The following EPB41L2 variants were observed in gnomAD, a reference collection of about 807,000 sequenced individuals.
EPB41L2 encodes band 4.1-like protein 2.
EPB41L2 carries 43 observed loss-of-function variants against 113.0 expected under a neutral mutation model. That is an observed-to-expected ratio of 0.38 (90% CI 0.30 to 0.49). The LOEUF (loss-of-function observed/expected upper bound fraction) is 0.49. Ranked by LOEUF, EPB41L2 falls within the 20% of genes least tolerant of loss-of-function variation. The pLI is 0.95. For missense variants in EPB41L2, 1,147 were observed against 1,223.4 expected, an observed-to-expected ratio of 0.94 and a Z score of 0.93; for synonymous variants, 442 against 436.7, an observed-to-expected ratio of 1.01 and a Z score of -0.15.
At chr6:131,004,572 T>C (rs1430394064) in intron 1 of EPB41L2, among the ~76,000 whole-genome samples, 2 of 152,140 alleles carry the variant, frequency 1.3e-5, no homozygotes, top group African/African-American at 4.8e-5. Context: ...AGTAAGGAGT[T>C]CCGACTAGCA....
intron 3 of EPB41L2, among the ~76,000 whole-genome samples, chr6:130,929,007 C>T (rs570542333): frequency 6.6e-6 from 1 of 152,226 alleles, no homozygotes; most frequent in Non-Finnish European, 1.5e-5. Flanking sequence ...AAAGCTGCTT[C>T]TCTACTATTC....
At chr6:131,047,732 A>G (rs186161562) in intron 1 of EPB41L2, among the ~76,000 whole-genome samples, 2 of 152,364 alleles carry the variant, frequency 1.3e-5, no homozygotes, top group East Asian at 3.9e-4. Flanking sequence ...TAGTCCCATT[A>G]AAATTCAGTC....
rs1784984783 is a variant in EPB41L2 at position 130,869,629 on chromosome 6, C to T, written c.2541G>A (p.Gln847=). 6.2e-7 allele frequency: 1 copy of T among 1,614,086 alleles called. No homozygotes were observed. The highest frequency in any genetic ancestry group is 1.3e-5 in the African/African-American group (1 of 74,938). The change falls in exon 15 of 20, where the codon CAG becomes CAA. Residue 847 remains glutamine (Q), a synonymous_variant. Transcript: ENST00000337057. ...CATGGGACACCTCTCCGTTAACTTT[C>T]TGTGGCTCTTCCTCTGCTTCTTCTC... ...DMGEEAEEEP[Q]KVNGEVSHVD...
chr6:130,942,831 T>C (rs1811338563), intron 3 of EPB41L2, among the ~76,000 whole-genome samples: 1 of 152,180 alleles, frequency 6.6e-6, no homozygotes, highest in African/African-American at 2.4e-5. Context: ...AACTCCCACT[T>C]ATGAGTGAGA....
intron 3 of EPB41L2, among the ~76,000 whole-genome samples, chr6:130,929,709 G>T (rs1806045489): frequency 6.6e-6 from 1 of 151,994 alleles, no homozygotes; most frequent in Non-Finnish European, 1.5e-5. Flanking sequence ...TAGGTACCTG[G>T]CCCAATTGGC....
In EPB41L2 at chr6:131,061,451, T is replaced by C. The variant is rs560921622; in HGVS notation, c.-15+1704A>G. ...TCGAGCTCTGACAGGTGACACAGCA[T>C]AGCTCTTCAAAAGTTGTGTCAAACT... On this transcript the variant is annotated intron_variant, in intron 1 of 19. Transcript: ENST00000337057. 9.2e-5 allele frequency among the ~76,000 whole-genome samples: 14 copies of C among 152,326 alleles called. No individual in the cohort carries two copies. The South Asian group carries it at 2.9e-3, about 32-fold the overall frequency.
chr6:130,974,888 C>A (rs892119629), intron 1 of EPB41L2, among the ~76,000 whole-genome samples: 2 of 151,654 alleles, frequency 1.3e-5, no homozygotes, highest in African/African-American at 4.8e-5. Flanking sequence ...CTCCCGAGTA[C>A]CTGGGACTAC....
chr6:130,852,045 T>C (rs1582650470), intron 19 of EPB41L2, among the ~76,000 whole-genome samples: 1 of 152,222 alleles, frequency 6.6e-6, no homozygotes, highest in Non-Finnish European at 1.5e-5. Context: ...GCATTTCACA[T>C]GCATCTCAAA....
intron 6 of EPB41L2, among the ~76,000 whole-genome samples, chr6:130,903,806 C>G (rs1325799151): frequency 6.6e-6 from 1 of 152,202 alleles, no homozygotes; most frequent in Non-Finnish European, 1.5e-5. Flanking sequence ...GGTACCCAGT[C>G]TAACTGGGCT....
chr6:130,921,817 ATAT>A (rs1268338757), intron 4 of EPB41L2, among the ~76,000 whole-genome samples: 5 of 151,980 alleles, frequency 3.3e-5, no homozygotes. Context: ...AGGACAGGGT[ATAT>A]TAAGCTCTAT....
At chr6:130,886,753 C>G (rs1193975668) in intron 11 of EPB41L2, among the ~76,000 whole-genome samples, 2 of 152,256 alleles carry the variant, frequency 1.3e-5, no homozygotes, top group African/African-American at 4.8e-5. Flanking sequence ...CCTGCCTCAG[C>G]CTCCTGAGTA....
intron 1 of EPB41L2, among the ~76,000 whole-genome samples, chr6:130,973,299 T>C (rs893973067): frequency 1.3e-5 from 2 of 151,822 alleles, no homozygotes; most frequent in African/African-American, 4.8e-5. Context: ...TCATTCTACA[T>C]AGTGGAAGTA....
chr6:130,841,276 C>T (rs542174555), intron 19 of EPB41L2, among the ~76,000 whole-genome samples: 5 of 150,336 alleles, frequency 3.3e-5, no homozygotes, highest in South Asian at 2.1e-4. Flanking sequence ...GACCAGTTGG[C>T]AATCTACTAC....
At chr6:130,959,793 A>C (rs1483456091) in intron 1 of EPB41L2, among the ~76,000 whole-genome samples, 1 of 152,368 alleles carries the variant, frequency 6.6e-6, no homozygotes, top group East Asian at 1.9e-4. Context: ...TGAGAGCTGA[A>C]TAAATGTCCT....
intron 1 of EPB41L2, among the ~76,000 whole-genome samples, chr6:131,048,231 TTA>T (rs1795877322): frequency 6.8e-6 from 1 of 147,750 alleles, no homozygotes; most frequent in African/African-American, 2.5e-5. Context: ...GGAAAAAAAA[TTA>T]TACAACATCA....
At position 130,869,721 on chromosome 6, in the gene EPB41L2, T is replaced by C. The variant is rs1415892992; in HGVS notation, c.2449A>G (p.Asn817Asp). ...CCGGGTATCTTTTGGGCACCTACAT[T>C]TTCCTGGATCACTGTTTCTACTGTG... ...VITVETVIQE[N>D]VGAQKIPGEK... is the part of the protein sequence containing the mutation. The change falls in exon 15 of 20, where the codon AAT becomes GAT. Residue 817 changes from asparagine to aspartate, a missense_variant. Asn to Asp is a conservative substitution (Grantham distance 23). Transcript: ENST00000337057. 1.2e-6 allele frequency: 2 copies of C among 1,614,148 alleles called. No homozygotes were observed. Among genetic ancestry groups the C allele is most frequent in the Admixed American group, 1.7e-5 (1 of 60,026 alleles).
chr6:130,927,245 G>T (rs777602907), intron 3 of EPB41L2, among the ~76,000 whole-genome samples: 2 of 151,944 alleles, frequency 1.3e-5, no homozygotes, highest in Non-Finnish European at 1.5e-5. Context: ...TATGGTGTTC[G>T]CTCCTTGGGA....
rs1031199259 is a variant in EPB41L2, at chr6:130,992,602, T to C, written c.-14-36103A>G. ...CTCGCTTTGTTGTCCTTTCTCTGTA[T>C]GTATTTCTACTGCTGAAATTACCAA... On this transcript the variant is annotated intron_variant, in intron 1 of 19. Coordinates refer to ENST00000337057, the MANE Select transcript of EPB41L2 (RefSeq NM_001431.4). Among the ~76,000 whole-genome samples the C allele has an allele frequency of 7.9e-5, 12 of 152,252 alleles. No homozygotes were observed. The East Asian group carries it at 2.3e-3, about 29-fold the overall frequency.
chr6:131,002,359 A>G (rs1192705780), intron 1 of EPB41L2, among the ~76,000 whole-genome samples: 2 of 152,196 alleles, frequency 1.3e-5, no homozygotes, highest in African/African-American at 4.8e-5. Flanking sequence ...GAGAGAGAAG[A>G]AAGAAGGGGA....
Sources: allele counts gnomAD v4.1 joint callset (sites outside exome capture counted in the v4.1 genomes callset), GRCh38; gene constraint gnomAD v4.1.1; transcripts MANE v1.5; gene names NCBI Gene and HGNC (gene_info 2026-07-23, HGNC 2026-07-21).